CRTAP: variants seen among roughly 807,000 people sequenced by gnomAD.
CRTAP encodes the protein cartilage-associated protein.
CRTAP carries 33 observed loss-of-function variants against 42.7 expected under a neutral mutation model. That is an observed-to-expected ratio of 0.77 (90% CI 0.59 to 1.03). The LOEUF is 1.03. CRTAP is among the 50% of genes least tolerant of loss of function. The probability of loss-of-function intolerance (pLI) is 0.00; values close to 1 mark genes in which losing one functional copy is unlikely to be tolerated. For synonymous variants in CRTAP, 243 were observed against 217.7 expected, an observed-to-expected ratio of 1.12 and a Z score of -1.02; for missense variants, 613 against 533.9, an observed-to-expected ratio of 1.15 and a Z score of -1.46.
intron 6 of CRTAP, 152 bp from the exon 7 acceptor site, chr3:33,142,243 A>G: frequency 1.4e-6 from 1 of 711,352 alleles, no homozygotes; most frequent in Non-Finnish European, 2.5e-6. Context: ...CACAGGGAGA[A>G]ATCAGGTCCT....
At chr3:33,128,516 C>T (rs1188035585) in intron 3 of CRTAP, among the ~76,000 whole-genome samples, 2 of 152,144 alleles carry the variant, frequency 1.3e-5, no homozygotes, top group Non-Finnish European at 2.9e-5. Context: ...TAAATGTCCT[C>T]CTCAGGATAT....
chr3:33,123,024 C>CA (rs1348541837), intron 2 of CRTAP, among the ~76,000 whole-genome samples: 1 of 152,122 alleles, frequency 6.6e-6, no homozygotes, highest in African/African-American at 2.4e-5. Flanking sequence ...AGTGCAACGG[C>CA]ACGATCTTGG....
At chr3:33,142,257 G>T in intron 6 of CRTAP, 138 bp from the exon 7 acceptor site, 1 of 769,030 alleles carries the variant, frequency 1.3e-6, no homozygotes, top group South Asian at 1.4e-5. Context: ...AGGTCCTCTG[G>T]GCCCCAGACC....
intron 6 of CRTAP, among the ~76,000 whole-genome samples, chr3:33,136,965 G>A (rs974688782): frequency 1.3e-5 from 2 of 152,182 alleles, no homozygotes; most frequent in Admixed American, 1.3e-4. Context: ...AACCTGTTGA[G>A]AAACTGCCAG....
intron 3 of CRTAP, 21 bp downstream of exon 3, chr3:33,124,600 C>T (rs759866308): frequency 1.1e-5 from 18 of 1,613,596 alleles, no homozygotes; most frequent in Admixed American, 1.7e-5. Context: ...GGTCAATAGG[C>T]TCACTACTCC....
chr3:33,130,960 C>T (rs986288338), intron 4 of CRTAP, among the ~76,000 whole-genome samples: 153 of 152,260 alleles, frequency 1.0e-3, no homozygotes, highest in African/African-American at 3.2e-3. Context: ...TCAGAGCCTG[C>T]GTGTTTCGGC....
At chr3:33,139,910 A>T (rs891181532) in intron 6 of CRTAP, among the ~76,000 whole-genome samples, 2 of 152,220 alleles carry the variant, frequency 1.3e-5, no homozygotes, top group African/African-American at 2.4e-5. Flanking sequence ...CTAATATTAC[A>T]TGATATAGAT....
Position 33,114,027 on chromosome 3 carries a change from C to T in CRTAP, c.-51C>T. ...ACCGTCCTCTTTCCTTTCCTTCTCCCTCCCCTTTTCCCTTCCTTCGTCCCT... is the reference window on the plus strand; with the variant it reads ...ACCGTCCTCTTTCCTTTCCTTCTCCTTCCCCTTTTCCCTTCCTTCGTCCCT... On this transcript the variant is annotated 5_prime_UTR_variant, in exon 1 of 7. Coordinates refer to ENST00000320954, the MANE Select transcript of CRTAP (RefSeq NM_006371.5). 3 of 1,350,942 alleles carry T rather than the reference C, an allele frequency of 2.2e-6. No homozygotes were observed. Among genetic ancestry groups the T allele is most frequent in the Non-Finnish European group, 2.9e-6 (3 of 1,027,098 alleles). The allele number at this position is 1,350,942 out of a possible 1,614,324, so 83.7% of individuals were successfully genotyped here. A position where few individuals can be genotyped will look rare whatever the true frequency, so the allele number is the denominator to read the frequency against.
intron 2 of CRTAP, among the ~76,000 whole-genome samples, chr3:33,122,793 A>G (rs1471167407): frequency 6.6e-6 from 1 of 151,568 alleles, no homozygotes; most frequent in Non-Finnish European, 1.5e-5. Flanking sequence ...TCTAGGTCTA[A>G]GGGGTGCCCT....
At chr3:33,126,750 A>G (rs2030084245) in intron 3 of CRTAP, among the ~76,000 whole-genome samples, 1 of 152,216 alleles carries the variant, frequency 6.6e-6, no homozygotes, top group Non-Finnish European at 1.5e-5. Context: ...CTCAGGGCAC[A>G]GTTTGGTTTT....
In CRTAP at chr3:33,114,044, T is replaced by A. The variant is rs1371846116; in HGVS notation, c.-34T>A. The A allele has an allele frequency of 1.4e-6, 2 of 1,421,236 alleles. No individual in the cohort carries two copies. The highest frequency in any genetic ancestry group is 1.8e-6 in the Non-Finnish European group (2 of 1,082,704). The allele number at this position is 1,421,236 out of a possible 1,614,324, so 88.0% of individuals were successfully genotyped here. ...CCTTCTCCCTCCCCTTTTCCCTTCC[T>A]TCGTCCCTTCCTTCCTTCCTTTCGC... On this transcript the variant is annotated 5_prime_UTR_variant, in exon 1 of 7. Transcript: ENST00000320954.
chr3:33,119,835 G>A (rs1701394492), intron 1 of CRTAP, among the ~76,000 whole-genome samples: 1 of 152,176 alleles, frequency 6.6e-6, no homozygotes, highest in Non-Finnish European at 1.5e-5. Flanking sequence ...GGCCAAAAGG[G>A]GCAGGGGAGA....
chr3:33,117,712 T>C (rs530423879), intron 1 of CRTAP, among the ~76,000 whole-genome samples: 11 of 152,200 alleles, frequency 7.2e-5, no homozygotes, highest in Non-Finnish European at 1.3e-4. Context: ...TGGCTCATGC[T>C]GGTGGCTGTA....
chr3:33,138,412 T>C (rs1231599763), intron 6 of CRTAP, among the ~76,000 whole-genome samples: 1 of 152,144 alleles, frequency 6.6e-6, no homozygotes, highest in Non-Finnish European at 1.5e-5. Flanking sequence ...TTTTTAAAAA[T>C]TTATTTCACA....
intron 5 of CRTAP, among the ~76,000 whole-genome samples, chr3:33,133,334 C>G (rs1027670957): frequency 2.0e-5 from 3 of 150,738 alleles, no homozygotes; most frequent in African/African-American, 7.3e-5. Context: ...TCTTGGCTCA[C>G]TGCATCCTCT....
At chr3:33,134,600 C>A (rs951940580) in intron 6 of CRTAP, among the ~76,000 whole-genome samples, 7 of 152,168 alleles carry the variant, frequency 4.6e-5, no homozygotes, top group African/African-American at 1.7e-4. Flanking sequence ...CATGGATACT[C>A]ACACCCCAAT....
At position 33,114,116 on chromosome 3, in the gene CRTAP, G is replaced by T. The variant is rs774113733; in HGVS notation, c.39G>T (p.Ala13=). 20 of 1,527,876 alleles carry T rather than the reference G, an allele frequency of 1.3e-5. No individual in the cohort carries two copies. In the African/African-American group the frequency reaches 2.4e-4, roughly 19 times the overall value. 94.6% of individuals were successfully genotyped at this position (1,527,876 alleles called of 1,614,324 possible). The part of the protein sequence containing the change: ...PGRRGAAALL[A]LLCVACALRA... ...GCCGGGGGGCCGCGGCGCTGCTAGC[G>T]CTGCTGTGCGTGGCCTGCGCGCTGC... Residue 13 remains alanine (A), a synonymous_variant, in exon 1 of 7, where the codon GCG becomes GCT. Transcript: ENST00000320954.
chr3:33,141,631 T>G (rs1369708402), intron 6 of CRTAP, among the ~76,000 whole-genome samples: 1 of 152,204 alleles, frequency 6.6e-6, no homozygotes, highest in Non-Finnish European at 1.5e-5. Flanking sequence ...TTGACTCTTA[T>G]GGAAGGGGCC....
chr3:33,116,151 T>G (rs149416682), intron 1 of CRTAP, among the ~76,000 whole-genome samples: 1 of 152,290 alleles, frequency 6.6e-6, no homozygotes, highest in Non-Finnish European at 1.5e-5. Context: ...AACCTCTGAT[T>G]TCTTTAATAT....
Sources: allele counts gnomAD v4.1 joint callset (sites outside exome capture counted in the v4.1 genomes callset), GRCh38; gene constraint gnomAD v4.1.1; transcripts MANE v1.5; gene names NCBI Gene and HGNC (gene_info 2026-07-23, HGNC 2026-07-21).